The following RPS6KC1 variants were observed in gnomAD, a reference collection of about 807,000 sequenced individuals.
The protein encoded by RPS6KC1 is inactive ribosomal protein S6 kinase delta-1.
RPS6KC1 carries 54 observed loss-of-function variants against 103.8 expected under a neutral mutation model. The observed-to-expected ratio is 0.52, with a 90% CI of 0.42 to 0.65. The LOEUF is 0.65. RPS6KC1 is among the 30% of genes least tolerant of loss of function. The pLI, the probability that RPS6KC1 is intolerant of heterozygous loss-of-function variation, is 0.00. For synonymous variants in RPS6KC1, 439 were observed against 438.7 expected, an observed-to-expected ratio of 1.00 and a Z score of -0.01; for missense variants, 1,151 against 1,253.8, an observed-to-expected ratio of 0.92 and a Z score of 1.24.
At chr1:213,571,024 G>C in the RPS6KC1 span, among the ~76,000 whole-genome samples, 2 of 152,216 alleles carry the variant, frequency 1.3e-5, no homozygotes, top group Non-Finnish European at 2.9e-5. Flanking sequence ...CTTTAAATGC[G>C]TATGTGTCTT....
At chr1:213,409,418 G>T in the RPS6KC1 span, among the ~76,000 whole-genome samples, 1 of 152,160 alleles carries the variant, frequency 6.6e-6, no homozygotes, top group East Asian at 1.9e-4. Flanking sequence ...GGTTTTGGAT[G>T]AAGACTGATC....
chr1:213,518,121 C>T, the RPS6KC1 span, among the ~76,000 whole-genome samples: 1 of 152,042 alleles, frequency 6.6e-6, no homozygotes, highest in African/African-American at 2.4e-5. Flanking sequence ...TCATAAGTAC[C>T]TGACACTGCA....
At chr1:213,159,332 A>G (rs2090229834) in intron 6 of RPS6KC1, among the ~76,000 whole-genome samples, 1 of 152,202 alleles carries the variant, frequency 6.6e-6, no homozygotes, top group African/African-American at 2.4e-5. Flanking sequence ...TTTACTGGAA[A>G]TTATAGCTTG....
chr1:213,486,679 T>C, the RPS6KC1 span, among the ~76,000 whole-genome samples: 1 of 152,336 alleles, frequency 6.6e-6, no homozygotes, highest in East Asian at 1.9e-4. Context: ...TAAGAGGCCA[T>C]GTCAGGATGG....
the RPS6KC1 span, among the ~76,000 whole-genome samples, chr1:213,672,983 T>C: frequency 6.6e-6 from 1 of 152,160 alleles, no homozygotes; most frequent in Non-Finnish European, 1.5e-5. Context: ...ATCTGTCCCA[T>C]CTTCACTATC....
chr1:213,532,977 T>A, the RPS6KC1 span, among the ~76,000 whole-genome samples: 106 of 152,062 alleles, frequency 7.0e-4, no homozygotes, highest in African/African-American at 2.6e-3. Context: ...TGAAAGGAAG[T>A]GGGAGAAAGT....
the RPS6KC1 span, among the ~76,000 whole-genome samples, chr1:213,513,375 T>G: frequency 6.6e-6 from 1 of 152,226 alleles, no homozygotes; most frequent in African/African-American, 2.4e-5. Flanking sequence ...AAGTACCACA[T>G]TTGTGCTAGT....
At chr1:213,114,571 T>G (rs2083378160) in intron 4 of RPS6KC1, among the ~76,000 whole-genome samples, 1 of 151,982 alleles carries the variant, frequency 6.6e-6, no homozygotes, top group East Asian at 1.9e-4. Flanking sequence ...CTAATTGCCC[T>G]GGCCAGAACT....
the RPS6KC1 span, among the ~76,000 whole-genome samples, chr1:213,407,704 C>T: frequency 2.6e-5 from 4 of 152,162 alleles, no homozygotes; most frequent in Non-Finnish European, 5.9e-5. Context: ...TCTTTGTGAA[C>T]ATCTCATTTT....
At chr1:213,197,039 G>A (rs1447732657) in intron 8 of RPS6KC1, among the ~76,000 whole-genome samples, 4 of 152,108 alleles carry the variant, frequency 2.6e-5, no homozygotes, top group Non-Finnish European at 4.4e-5. Context: ...ATTTCTCCAT[G>A]TTGGTCAGGC....
chr1:213,702,036 G>T, the RPS6KC1 span, among the ~76,000 whole-genome samples: 1 of 151,608 alleles, frequency 6.6e-6, no homozygotes, highest in East Asian at 1.9e-4. Flanking sequence ...CTTTTTTCTT[G>T]ATGTAGGCAT....
At chr1:213,205,344 G>A in intron 8 of RPS6KC1, 1 of 984,924 alleles carries the variant, frequency 1.0e-6, no homozygotes, top group Non-Finnish European at 1.2e-6. Flanking sequence ...ATGCTTTTAA[G>A]AGTCCCATGG....
At chr1:213,206,013 A>ATTTTGGG (rs1558535460) in intron 8 of RPS6KC1, among the ~76,000 whole-genome samples, 2 of 152,130 alleles carry the variant, frequency 1.3e-5, no homozygotes, top group Non-Finnish European at 2.9e-5. Flanking sequence ...TGGATTTTGG[A>ATTTTGGG]TTTTTAGATT....
intron 8 of RPS6KC1, among the ~76,000 whole-genome samples, chr1:213,219,766 C>G (rs528393570): frequency 6.6e-6 from 1 of 150,392 alleles, no homozygotes; most frequent in African/African-American, 2.4e-5. Context: ...ACGACAAAAA[C>G]CAAACACTAC....
chr1:213,516,836 G>A, the RPS6KC1 span, among the ~76,000 whole-genome samples: 821 of 152,240 alleles, frequency 5.4e-3, 10 homozygotes, highest in African/African-American at 0.019. Context: ...GGTAGAATTC[G>A]GCTGTGAATC....
the RPS6KC1 span, among the ~76,000 whole-genome samples, chr1:213,687,649 A>G: frequency 6.6e-6 from 1 of 152,230 alleles, no homozygotes; most frequent in East Asian, 1.9e-4. Context: ...TGAGAAATAT[A>G]CAAGAGGGTC....
the RPS6KC1 span, among the ~76,000 whole-genome samples, chr1:213,734,008 T>C: frequency 6.6e-6 from 1 of 152,382 alleles, no homozygotes; most frequent in East Asian, 1.9e-4. Flanking sequence ...GAAACCCATC[T>C]TCCTAATGGA....
At chr1:213,099,189 A>G (rs1434692276) in intron 3 of RPS6KC1, among the ~76,000 whole-genome samples, 3 of 152,214 alleles carry the variant, frequency 2.0e-5, no homozygotes. Flanking sequence ...GAAAATTTTC[A>G]AATTAGGTTG....
chr1:213,517,369 G>A, the RPS6KC1 span, among the ~76,000 whole-genome samples: 3 of 152,222 alleles, frequency 2.0e-5, no homozygotes, highest in Admixed American at 2.0e-4. Context: ...GGCATTTAGT[G>A]CTATAAATTT....
Sources: gnomAD v4.1 joint callset for allele counts (sites outside exome capture counted in the v4.1 genomes callset) on GRCh38, gnomAD v4.1.1 for gene constraint, MANE v1.5 for transcripts, NCBI Gene and HGNC (gene_info 2026-07-23, HGNC 2026-07-21) for gene names.